Variants in IGFLR1 observed in about 807,000 individuals in gnomAD.
IGFLR1 encodes IGF like family receptor 1, also known as IGF-like family receptor 1.
IGFLR1 carries 17 observed loss-of-function variants against 23.4 expected under a neutral mutation model. The ratio of observed to expected loss-of-function variants is 0.73; its 90% confidence interval spans 0.50 to 1.09. The LOEUF is 1.09. Among genes scored for constraint, IGFLR1 ranks in the 50% least tolerant of loss-of-function variants. IGFLR1 has a pLI of 0.00. For synonymous variants in IGFLR1, 265 were observed against 210.7 expected (o/e 1.26, Z -2.23); for missense variants, 556 against 459.2 (o/e 1.21, Z -1.93).
chr19:35,739,494 A>G lies in IGFLR1; in HGVS notation c.854T>C (p.Leu285Pro). ...GGMAHGTTRH[L>P]AARYGLPAAW... ...AGCAGGCAGCCCATATCTTGCGGCC[A>G]GGTGTCGAGTAGTGCCATGGGCCAT... The change falls in exon 5 of 5, where the codon CTG (leucine) becomes CCG (proline). Residue 285 changes from leucine to proline, a missense_variant. Physicochemically the swap from Leu to Pro is moderately conservative, Grantham distance 98. Coordinates refer to ENST00000246532, the MANE Select transcript of IGFLR1 (RefSeq NM_024660.4). 1.2e-6 allele frequency: 2 copies of G among 1,614,018 alleles called. No individual in the cohort carries two copies. Among genetic ancestry groups the G allele is most frequent in the Non-Finnish European group, 1.7e-6 (2 of 1,180,008 alleles).
Position 35,739,815 on chromosome 19 carries a change from C to A in IGFLR1, c.616G>T (p.Val206Phe). Reference sequence around the variant, plus strand: ...GAGGAAGGGGTGTGGGTGTTGGGGACTCCGCAGACCAAGCCAGGATAGGGA... The same window carrying A: ...GAGGAAGGGGTGTGGGTGTTGGGGAATCCGCAGACCAAGCCAGGATAGGGA... ...PYPYPGLVCG[V>F]PNTHTPSSSH... Residue 206 changes from valine (V) to phenylalanine (F), a missense_variant, in exon 4 of 5, where the codon GTC (valine) becomes TTC (phenylalanine). Transcript: ENST00000246532. 6.3e-7 allele frequency: 1 copy of A among 1,597,594 alleles called. No individual in the cohort carries two copies. The highest frequency in any genetic ancestry group is 1.1e-5 in the South Asian group (1 of 89,270).
rs1970058280 is a variant in IGFLR1 at position 35,739,331 on chromosome 19, A to G, written c.1017T>C (p.Asp339=). The change falls in exon 5 of 5, where the codon GAT becomes GAC. Residue 339 remains aspartate, a synonymous_variant. Coordinates refer to ENST00000246532, the MANE Select transcript of IGFLR1 (RefSeq NM_024660.4). ...GTHLAQLGRA[D]ALRVLSKLGS... ...CAAGCTTGGACAGCACCCGCAATGCATCTGCCCGCCCTAGCTGGGCGAGGT... is the reference window on the plus strand; with the variant it reads ...CAAGCTTGGACAGCACCCGCAATGCGTCTGCCCGCCCTAGCTGGGCGAGGT... 2 of 1,609,860 alleles carry G rather than the reference A, an allele frequency of 1.2e-6. No individual in the cohort carries two copies. The highest frequency in any genetic ancestry group is 2.2e-5 in the East Asian group (1 of 44,762).
chr19:35,740,640 T>C, intron 2 of IGFLR1, 76 bp from the exon 3 acceptor site: 1 of 1,386,824 alleles, frequency 7.2e-7, no homozygotes, highest in Non-Finnish European at 9.8e-7. Context: ...CTTCGCCCTA[T>C]CCCAGCGTGC....
rs1568392405 is a variant in IGFLR1, at chr19:35,741,083, T to C, written c.98A>G (p.Asn33Ser). The C allele has an allele frequency of 6.2e-7, 1 of 1,606,476 alleles. No homozygotes were observed. The highest frequency in any genetic ancestry group is 2.2e-5 in the East Asian group (1 of 44,676). ...GCTGCTGCAGCACTTGTTGTCTGGG[T>C]TCCAGTATTCAAGGCGGCCGCAGTA... ...SQYCGRLEYW[N>S]PDNKCCSSCL... Residue 33 changes from asparagine to serine, a missense_variant, in exon 2 of 5, where the codon AAC becomes AGC. Physicochemically the swap from Asn to Ser is conservative, Grantham distance 46. Coordinates refer to ENST00000246532, the MANE Select transcript of IGFLR1 (RefSeq NM_024660.4).
rs746442334 is a variant in IGFLR1 at position 35,739,389 on chromosome 19, T to C, written c.959A>G (p.Glu320Gly). 2 of 1,613,326 alleles carry C rather than the reference T, an allele frequency of 1.2e-6. No individual in the cohort carries two copies. Among genetic ancestry groups the C allele is most frequent in the Non-Finnish European group, 1.7e-6 (2 of 1,179,812 alleles). ...AAGCTGGCCCAGGGAGGCAGAGGGC[T>C]CCCTTGCCACCACCATCTCAATCAG... ...RALIEMVVAR[E>G]PSASLGQLGT... is the part of the protein sequence containing the mutation. The change falls in exon 5 of 5, where the codon GAG (glutamate) becomes GGG (glycine). Residue 320 changes from glutamate (E) to glycine (G), a missense_variant. Coordinates refer to ENST00000246532, the MANE Select transcript of IGFLR1 (RefSeq NM_024660.4).
At chr19:35,742,343 C>G in intron 1 of IGFLR1, 53 bp downstream of exon 1, 1 of 1,398,862 alleles carries the variant, frequency 7.1e-7, no homozygotes, top group Non-Finnish European at 9.5e-7. Flanking sequence ...GAATAAGCCT[C>G]AGATGGAGGT....
chr19:35,740,581 G>C lies in IGFLR1; in HGVS notation c.158-17C>G, dbSNP rs939613135. 6.3e-7 allele frequency: 1 copy of C among 1,584,798 alleles called. No individual in the cohort carries two copies. Among genetic ancestry groups the C allele is most frequent in the African/African-American group, 1.3e-5 (1 of 74,132 alleles). ...ACTCATAGTCTAGCGGGAAAGCTGC[G>C]CTCCAGTGCGGCCGCCTAGCCCGCC... On this transcript the variant is annotated splice_polypyrimidine_tract_variant and intron_variant, in intron 2 of 4. Coordinates refer to ENST00000246532, the MANE Select transcript of IGFLR1 (RefSeq NM_024660.4).
In IGFLR1 at chr19:35,739,057, C is replaced by G. The variant is rs932858404; in HGVS notation, c.*223G>C. The G allele has an allele frequency of 2.6e-5, 15 of 575,972 alleles. No individual in the cohort carries two copies. In the African/African-American group the frequency reaches 2.6e-4, roughly 10 times the overall value. 35.7% of individuals were successfully genotyped at this position (575,972 alleles called of 1,614,324 possible). A position where few individuals can be genotyped will look rare whatever the true frequency, so the allele number is the denominator to read the frequency against. On this transcript the variant is annotated 3_prime_UTR_variant, in exon 5 of 5. Transcript: ENST00000246532. Reference sequence around the variant, plus strand: ...CAGAACAACACAACACAGCAACTGTCTGTAGCAGGGTTGTTTCCCAGAGGG... The same window carrying G: ...CAGAACAACACAACACAGCAACTGTGTGTAGCAGGGTTGTTTCCCAGAGGG...
intron 2 of IGFLR1, 35 bp downstream of exon 2, chr19:35,740,989 C>T: frequency 6.2e-7 from 1 of 1,603,026 alleles, no homozygotes; most frequent in Non-Finnish European, 8.5e-7. Flanking sequence ...CACCTGCAAG[C>T]TCCGCCCAAG....
At position 35,739,273 on chromosome 19, in the gene IGFLR1, T is replaced by C. The variant is rs12459634; in HGVS notation, c.*7A>G. ...GCTTAGTAGTCAGCAAAGTTCTTTA[T>C]TGGGTGTTAAGCCCAGCAAACCCCA... On this transcript the variant is annotated 3_prime_UTR_variant, in exon 5 of 5. Coordinates refer to ENST00000246532, the MANE Select transcript of IGFLR1 (RefSeq NM_024660.4). 216,086 of 1,561,582 alleles carry C rather than the reference T, an allele frequency of 0.14. 16,650 individuals carry two copies. Among genetic ancestry groups the C allele is most frequent in the Middle Eastern group, 0.23 (1,350 of 5,810 alleles).
rs745506043 is a variant in IGFLR1, at chr19:35,742,423, C to T, written c.-71G>A. The stretch of plus-strand genomic sequence containing the variant: ...TTAGGGTCCTGGGTCCCAAGCTGGC[C>T]GTGCCAAGTTCCTCAGCTGAAGTTG... On this transcript the variant is annotated 5_prime_UTR_variant, in exon 1 of 5. Coordinates refer to ENST00000246532, the MANE Select transcript of IGFLR1 (RefSeq NM_024660.4). The T allele has an allele frequency of 1.8e-5, 28 of 1,534,688 alleles. No homozygotes were observed. The highest frequency in any genetic ancestry group is 5.9e-5 in the Admixed American group (3 of 50,920).
At position 35,740,571 on chromosome 19, in the gene IGFLR1, G is replaced by T; in HGVS notation, c.158-7C>A. On this transcript the variant is annotated splice_region_variant and splice_polypyrimidine_tract_variant and intron_variant, in intron 2 of 4. Transcript: ENST00000246532. ...TTTTCCCGGAACTCATAGTCTAGCG[G>T]GAAAGCTGCGCTCCAGTGCGGCCGC... 1 of 1,595,936 alleles carries T rather than the reference G, an allele frequency of 6.3e-7. No individual in the cohort carries two copies. Among genetic ancestry groups the T allele is most frequent in the Non-Finnish European group, 8.5e-7 (1 of 1,169,984 alleles).
Position 35,739,285 on chromosome 19 carries a change from C to T in IGFLR1, c.1063G>A (p.Ala355Thr). 1 of 1,584,598 alleles carries T rather than the reference C, an allele frequency of 6.3e-7. No individual in the cohort carries two copies. ...GCAAAGTTCTTTATTGGGTGTTAAG[C>T]CCAGCAAACCCCAGATGAGCCAAGC... ...SKLGSSGVCWA is the reference protein window; with the variant it reads ...SKLGSSGVCWT Residue 355 changes from alanine (A) to threonine (T), a missense_variant, in exon 5 of 5, where the codon GCT becomes ACT. Coordinates refer to ENST00000246532, the MANE Select transcript of IGFLR1 (RefSeq NM_024660.4).
chr19:35,740,757 C>T, intron 2 of IGFLR1, 193 bp from the exon 3 acceptor site: 1 of 646,234 alleles, frequency 1.5e-6, no homozygotes, highest in Non-Finnish European at 2.6e-6. Context: ...CACGAAGCTC[C>T]GCCCACTCCC....
At position 35,739,137 on chromosome 19, in the gene IGFLR1, T is replaced by G; in HGVS notation, c.*143A>C. ...CAGCCCTCCCACATGTGGCCCTGTG[T>G]GTATGTTGGAATAGGCCCTTCTAGG... On this transcript the variant is annotated 3_prime_UTR_variant, in exon 5 of 5. Coordinates refer to ENST00000246532, the MANE Select transcript of IGFLR1 (RefSeq NM_024660.4). The G allele has an allele frequency of 1.2e-6, 1 of 801,134 alleles. No individual in the cohort carries two copies. The highest frequency in any genetic ancestry group is 1.9e-6 in the Non-Finnish European group (1 of 515,990). 49.6% of individuals were successfully genotyped at this position (801,134 alleles called of 1,614,324 possible).
At position 35,741,052 on chromosome 19, in the gene IGFLR1, C is replaced by T. The variant is rs1431957461; in HGVS notation, c.129G>A (p.Leu43=). 2 of 1,608,988 alleles carry T rather than the reference C, an allele frequency of 1.2e-6. No homozygotes were observed. The highest frequency in any genetic ancestry group is 1.7e-6 in the Non-Finnish European group (2 of 1,177,402). Residue 43 remains leucine, a synonymous_variant, in exon 2 of 5, where the codon CTG becomes CTA. Coordinates refer to ENST00000246532, the MANE Select transcript of IGFLR1 (RefSeq NM_024660.4). ...NPDNKCCSSC[L]QRFGPPPCPD... ...GGCAGGGGGGCGGCCCGAAGCGTTG[C>T]AGGCAGCTGCTGCAGCACTTGTTGT... is the stretch of plus-strand genomic sequence containing the variant.
In IGFLR1 at chr19:35,739,562, C is replaced by T. The variant is rs751277496; in HGVS notation, c.786G>A (p.Glu262=). The T allele has an allele frequency of 1.9e-6, 3 of 1,614,004 alleles. No individual in the cohort carries two copies. The highest frequency in any genetic ancestry group is 1.1e-5 in the South Asian group (1 of 91,090). The change falls in exon 5 of 5, where the codon GAG becomes GAA. Residue 262 remains glutamate (E), a synonymous_variant. Coordinates refer to ENST00000246532, the MANE Select transcript of IGFLR1 (RefSeq NM_024660.4). The part of the protein sequence containing the change: ...RLLDELEVLE[E]LIVLLDPEPG... The stretch of plus-strand genomic sequence containing the variant: ...GCTCAGGGTCCAGCAGTACAATCAG[C>T]TCTTCCAGCACCTCCAGCTCATCCA...
rs200487496 is a variant in IGFLR1 at position 35,739,599 on chromosome 19, A to G, written c.749T>C (p.Leu250Pro). 5.8e-5 allele frequency: 93 copies of G among 1,607,760 alleles called. No individual in the cohort carries two copies. Among genetic ancestry groups the G allele is most frequent in the East Asian group, 1.1e-4 (5 of 44,650 alleles). ...RELSSLASQP[L>P]SRLLDELEVL... ...CTCCAGCTCATCCAGGAGGCGAGAC[A>G]GGGGTTGTGACGCCAGACTGGACAG... The change falls in exon 5 of 5, where the codon CTG becomes CCG. Residue 250 changes from leucine to proline, a missense_variant. By Grantham distance (98) the Leu-to-Pro change is moderately conservative (BLOSUM62 -3). Coordinates refer to ENST00000246532, the MANE Select transcript of IGFLR1 (RefSeq NM_024660.4).
intron 2 of IGFLR1, 121 bp from the exon 3 acceptor site, chr19:35,740,685 T>A: frequency 1.1e-6 from 1 of 943,362 alleles, no homozygotes. Context: ...CCTATTAGCG[T>A]GCGCCCCGGT....
Sources: gnomAD v4.1 joint callset for allele counts on GRCh38, gnomAD v4.1.1 for gene constraint, MANE v1.5 for transcripts, NCBI Gene and HGNC (gene_info 2026-07-23, HGNC 2026-07-21) for gene names.